Variants in ZFHX3 observed in about 807,000 individuals in gnomAD.
ZFHX3 encodes zinc finger homeobox 3.
Under a neutral mutation model 279.1 loss-of-function variants are expected in ZFHX3, and 42 were observed. The ratio of observed to expected loss-of-function variants is 0.15; its 90% CI spans 0.12 to 0.19. The LOEUF is 0.19. Among genes scored for constraint, ZFHX3 ranks in the 10% least tolerant of loss-of-function variants. The probability of loss-of-function intolerance (pLI) is 1.00; values close to 1 mark genes in which losing one functional copy is unlikely to be tolerated. For synonymous variants in ZFHX3, 2,293 were observed against 1,957.8 expected (o/e 1.17, Z -4.52); for missense variants, 4,981 against 4,754.0 (o/e 1.05, Z -1.40).
chr16:73,351,829 C>T (rs1341642431), intron 3 of ZFHX3, among the ~76,000 whole-genome samples: 3 of 152,196 alleles, frequency 2.0e-5, no homozygotes, highest in East Asian at 3.8e-4. Context: ...AGTGCCCTCC[C>T]CCAAAAGACT....
chr16:73,228,161 T>C (rs984464813), intron 5 of ZFHX3, among the ~76,000 whole-genome samples: 12 of 152,174 alleles, frequency 7.9e-5, no homozygotes, highest in Non-Finnish European at 1.8e-4. Context: ...AACAACTAAG[T>C]TATTGATAAT....
intron 3 of ZFHX3, chr16:73,420,618 G>A (rs2017699753): frequency 6.6e-6 from 1 of 151,480 alleles, no homozygotes; most frequent in Non-Finnish European, 1.5e-5. Flanking sequence ...CTTGAAGGCA[G>A]TCAAACTACG....
chr16:73,490,674 C>A (rs2019044029), intron 2 of ZFHX3, among the ~76,000 whole-genome samples: 1 of 151,970 alleles, frequency 6.6e-6, no homozygotes, highest in East Asian at 1.9e-4. Context: ...TCCATCTCTA[C>A]AAAAAATACA....
rs538907784 is a variant in ZFHX3, at chr16:73,010,190, G to A, written c.-50+37562C>T. On this transcript the variant is annotated intron_variant, in intron 1 of 9. Coordinates refer to ENST00000268489, the MANE Select transcript of ZFHX3 (RefSeq NM_006885.4). ...GCTGCAGGGCACTGCTACTCGCCCT[G>A]CTGGGGAGAAGCCACCCAGCAGCCA... Among the ~76,000 whole-genome samples, 7 of 152,246 alleles carry A rather than the reference G, an allele frequency of 4.6e-5. 1 individual carries two copies. The South Asian group carries it at 1.2e-3, about 27-fold the overall frequency.
At position 73,256,037 on chromosome 16, in the gene ZFHX3, C is replaced by T. The variant is rs1056894639; in HGVS notation, c.-1104+1010G>A. Among the ~76,000 whole-genome samples the T allele has an allele frequency of 2.0e-4, 30 of 152,268 alleles. 1 individual carries two copies. Among genetic ancestry groups the T allele is most frequent in the Admixed American group, 1.2e-3 (18 of 15,296 alleles). On this transcript the variant is annotated intron_variant, in intron 5 of 17. Coordinates refer to the ZFHX3 transcript ENST00000641206. ...AGCCCAACTTTACATAGCAAAATAG[C>T]GACGGCAAAGCTCATTGCAAATTAG...
chr16:73,445,391 A>T (rs1254373952), intron 3 of ZFHX3, among the ~76,000 whole-genome samples: 3 of 151,488 alleles, frequency 2.0e-5, no homozygotes, highest in Non-Finnish European at 4.4e-5. Context: ...CCCCTTCACC[A>T]TTTTTCAGGC....
At chr16:73,598,944 G>T (rs1295864764) in intron 2 of ZFHX3, among the ~76,000 whole-genome samples, 1 of 151,972 alleles carries the variant, frequency 6.6e-6, no homozygotes, top group African/African-American at 2.4e-5. Flanking sequence ...TGTATTTTTA[G>T]TAGAGACGGG....
intron 3 of ZFHX3, among the ~76,000 whole-genome samples, chr16:72,939,985 G>A (rs1960329967): frequency 6.6e-6 from 1 of 152,126 alleles, no homozygotes; most frequent in African/African-American, 2.4e-5. Flanking sequence ...ATGTTGCCCA[G>A]GCTGGTCTTG....
intron 1 of ZFHX3, among the ~76,000 whole-genome samples, chr16:72,984,745 C>T (rs944023199): frequency 6.6e-6 from 1 of 151,978 alleles, no homozygotes; most frequent in Non-Finnish European, 1.5e-5. Flanking sequence ...TGTTGAGGAC[C>T]CCGTGATGGT....
chr16:73,867,660 G>C (rs1314623754), intron 1 of ZFHX3, among the ~76,000 whole-genome samples: 1 of 152,194 alleles, frequency 6.6e-6, no homozygotes, highest in Non-Finnish European at 1.5e-5. Context: ...AGTATGTTTA[G>C]TAAGAAGGTA....
chr16:73,730,934 T>A (rs1302375815), intron 1 of ZFHX3, among the ~76,000 whole-genome samples: 1 of 152,102 alleles, frequency 6.6e-6, no homozygotes, highest in African/African-American at 2.4e-5. Context: ...AGCGGAACAT[T>A]CCATGTCTTC....
intron 5 of ZFHX3, among the ~76,000 whole-genome samples, chr16:73,209,085 C>T (rs1165189499): frequency 6.6e-6 from 1 of 152,070 alleles, no homozygotes. Context: ...ACTTTTATAG[C>T]CTCAAAGCCA....
rs11075951 is a variant in ZFHX3, at chr16:72,958,370, G to A, written c.1776C>T (p.Asp592=). Reference sequence around the variant, plus strand: ...TGGCATTGTCTTTATTGGCACTTTCGTCAGCGAAGTCCAGCCTCCTGCCGC... The same window carrying A: ...TGGCATTGTCTTTATTGGCACTTTCATCAGCGAAGTCCAGCCTCCTGCCGC... The part of the protein sequence containing the change: ...AEGGRRLDFA[D]ESANKDNATA... Residue 592 remains aspartate, a synonymous_variant, in exon 2 of 10, where the codon GAC becomes GAT. Transcript: ENST00000268489. 126,811 of 1,614,062 alleles carry A rather than the reference G, an allele frequency of 0.079. 5,860 individuals are homozygous for A. Among genetic ancestry groups the A allele is most frequent in the Non-Finnish European group, 0.089 (105,505 of 1,179,982 alleles).
At chr16:73,204,228 G>A (rs1442737526) in intron 5 of ZFHX3, among the ~76,000 whole-genome samples, 12 of 151,264 alleles carry the variant, frequency 7.9e-5, no homozygotes, top group Admixed American at 2.6e-4. Flanking sequence ...TGAATCAAGC[G>A]CATTACATTT....
intron 5 of ZFHX3, among the ~76,000 whole-genome samples, chr16:72,818,223 C>G (rs1342325425): frequency 6.6e-6 from 1 of 152,158 alleles, no homozygotes; most frequent in Non-Finnish European, 1.5e-5. Flanking sequence ...ATGTGTGTTT[C>G]CCATAGCTCC....
chr16:73,007,802 A>T (rs1265592359), intron 1 of ZFHX3, among the ~76,000 whole-genome samples: 3 of 152,154 alleles, frequency 2.0e-5, no homozygotes, highest in Non-Finnish European at 4.4e-5. Flanking sequence ...TTAAAGTTTC[A>T]GACATCCAAG....
chr16:73,289,208 T>C (rs564903838), intron 4 of ZFHX3, among the ~76,000 whole-genome samples: 1 of 151,794 alleles, frequency 6.6e-6, no homozygotes, highest in East Asian at 2.0e-4. Flanking sequence ...GGGAGGAAAA[T>C]GCCGCTGTCT....
intron 2 of ZFHX3, among the ~76,000 whole-genome samples, chr16:73,469,802 G>A (rs911626829): frequency 2.6e-5 from 4 of 152,106 alleles, no homozygotes; most frequent in Non-Finnish European, 5.9e-5. Flanking sequence ...ATTTTTAGTA[G>A]AGATGGGGTT....
chr16:73,275,968 G>A (rs1042763763), intron 4 of ZFHX3, among the ~76,000 whole-genome samples: 1 of 151,592 alleles, frequency 6.6e-6, no homozygotes, highest in African/African-American at 2.4e-5. Context: ...CGAAAGTTAG[G>A]GGCGGTCAAG....
Sources: gnomAD v4.1 joint callset for allele counts (sites outside exome capture counted in the v4.1 genomes callset) on GRCh38, gnomAD v4.1.1 for gene constraint, MANE v1.5 for transcripts, NCBI Gene and HGNC (gene_info 2026-07-23, HGNC 2026-07-21) for gene names.